The following TCF7 variants were observed in gnomAD, a reference collection of about 807,000 sequenced individuals.
The protein encoded by TCF7 is T-cell-factor-7.
A neutral mutation model predicts 46.8 loss-of-function variants in TCF7; 19 were observed. That is an observed-to-expected ratio of 0.41 (90% confidence interval 0.28 to 0.60). The LOEUF is 0.60. Among genes scored for constraint, TCF7 ranks in the 20% least tolerant of loss-of-function variants. The pLI is 0.35. For missense variants in TCF7, 547 were observed against 504.6 expected, an observed-to-expected ratio of 1.08 and a Z score of -0.81; for synonymous variants, 245 against 213.4, an observed-to-expected ratio of 1.15 and a Z score of -1.29.
At chr5:134,119,446 G>A (rs1360114350) in intron 3 of TCF7, among the ~76,000 whole-genome samples, 2 of 152,156 alleles carry the variant, frequency 1.3e-5, no homozygotes, top group Non-Finnish European at 2.9e-5. Flanking sequence ...TATACTAAAA[G>A]CCACTGAATT....
chr5:134,142,443 A>T, intron 6 of TCF7, 139 bp downstream of exon 6: 2 of 23,580 alleles, frequency 8.5e-5, no homozygotes, highest in Non-Finnish European at 1.6e-4. Context: ...CAGAAGTAGG[A>T]GGGGGTGGGT....
At chr5:134,132,203 G>T (rs1758215112) in intron 3 of TCF7, among the ~76,000 whole-genome samples, 1 of 152,238 alleles carries the variant, frequency 6.6e-6, no homozygotes, top group East Asian at 1.9e-4. Context: ...TGTCAGGTGG[G>T]CGTAGTAGTT....
At chr5:134,132,622 C>A (rs756098983) in intron 3 of TCF7, among the ~76,000 whole-genome samples, 1 of 152,194 alleles carries the variant, frequency 6.6e-6, no homozygotes, top group Non-Finnish European at 1.5e-5. Flanking sequence ...GAGGGAGTTT[C>A]TCTGCTGGCG....
intron 3 of TCF7, 35 bp from the exon 4 acceptor site, chr5:134,138,024 C>T (rs375338781): frequency 4.6e-6 from 7 of 1,521,368 alleles, no homozygotes; most frequent in African/African-American, 4.1e-5. Context: ...CCTCAGGACT[C>T]GCCACACTCA....
At chr5:134,115,516 G>A (rs1025394562) in intron 2 of TCF7, 129 bp downstream of exon 2, 22 of 1,461,870 alleles carry the variant, frequency 1.5e-5, no homozygotes, top group South Asian at 8.3e-5. Flanking sequence ...CAGAACCCAG[G>A]GGTGGAGAGT....
At chr5:134,114,462 C>T (rs541699574), upstream of TCF7, among the ~76,000 whole-genome samples, 16 of 152,210 alleles carry the variant, frequency 1.1e-4, 1 homozygote, top group East Asian at 2.9e-3. Context: ...GGTGAGTAAG[C>T]GGGGTCAGGA....
intron 6 of TCF7, 82 bp from the exon 7 acceptor site, chr5:134,142,639 T>A: frequency 6.4e-7 from 1 of 1,558,424 alleles, no homozygotes. Flanking sequence ...TTAGGCACAC[T>A]CTAGGCCCAC....
chr5:134,146,205 C>A lies in TCF7; in HGVS notation c.1076-19C>A, dbSNP rs747086264. 1.5e-5 allele frequency: 24 copies of A among 1,614,194 alleles called. No homozygotes were observed. The highest frequency in any genetic ancestry group is 2.0e-5 in the Non-Finnish European group (24 of 1,180,022). ...GAATTCACCCTCTGTTTACAGATAA[C>A]TCTCTTCACTATTCCTAGGAGGAAA... On this transcript the variant is annotated intron_variant, in intron 9 of 9. Transcript: ENST00000342854.
At chr5:134,123,725 C>G (rs1239323457) in intron 3 of TCF7, 1 of 456,244 alleles carries the variant, frequency 2.2e-6, no homozygotes. Context: ...CTGGGAGAAG[C>G]TGATGGGCGC....
chr5:134,139,121 C>T (rs1759346736), intron 5 of TCF7, 83 bp downstream of exon 5: 1 of 1,544,532 alleles, frequency 6.5e-7, no homozygotes. Flanking sequence ...TCCTCCATCC[C>T]TCTTGGCTGG....
intron 5 of TCF7, chr5:134,140,931 C>T (rs1375657993): frequency 1.1e-5 from 4 of 357,782 alleles, no homozygotes; most frequent in African/African-American, 2.2e-5. Context: ...TTCCTGTTGC[C>T]CAGGCTTCAG....
chr5:134,143,715 A>G (rs757833309), intron 9 of TCF7, 75 bp downstream of exon 9: 139 of 1,584,608 alleles, frequency 8.8e-5, no homozygotes, highest in Non-Finnish European at 1.1e-4. Flanking sequence ...CTCTGACCCA[A>G]AGGGAGGAAC....
intron 3 of TCF7, among the ~76,000 whole-genome samples, chr5:134,120,331 A>T (rs1358186196): frequency 6.6e-6 from 1 of 152,134 alleles, no homozygotes; most frequent in Non-Finnish European, 1.5e-5. Context: ...GGCTTCACGT[A>T]GCAGCCACAG....
chr5:134,119,734 C>T (rs1458511613), intron 3 of TCF7, among the ~76,000 whole-genome samples: 1 of 152,250 alleles, frequency 6.6e-6, no homozygotes, highest in Non-Finnish European at 1.5e-5. Context: ...ATGAGCAAGG[C>T]TCCAGCAGAG....
intron 2 of TCF7, 27 bp from the exon 3 acceptor site, chr5:134,115,882 T>C (rs1335242672): frequency 6.2e-7 from 1 of 1,613,624 alleles, no homozygotes; most frequent in Non-Finnish European, 8.5e-7. Context: ...AGGGCTGGTG[T>C]GTCTGACCCA....
At chr5:134,131,872 G>C (rs181254765) in intron 3 of TCF7, among the ~76,000 whole-genome samples, 3 of 152,274 alleles carry the variant, frequency 2.0e-5, no homozygotes, top group Admixed American at 1.3e-4. Context: ...TGGGCCGGAG[G>C]AGCAGGCTGA....
chr5:134,143,759 G>C (rs1760254014), intron 9 of TCF7, 119 bp downstream of exon 9: 2 of 1,195,346 alleles, frequency 1.7e-6, no homozygotes, highest in Non-Finnish European at 2.4e-6. Flanking sequence ...AGGGCCTGGG[G>C]CCTATGAAAA....
chr5:134,138,575 TG>T, intron 4 of TCF7: 1 of 279,336 alleles, frequency 3.6e-6, no homozygotes, highest in Non-Finnish European at 6.8e-6. Context: ...GACTCAACCC[TG>T]GGGGGCAGGT....
upstream of TCF7, among the ~76,000 whole-genome samples, chr5:134,112,729 AAGGGCAT>A (rs1323096394): frequency 6.6e-6 from 1 of 152,264 alleles, no homozygotes; most frequent in Non-Finnish European, 1.5e-5. Context: ...ATAAAGCAGT[AAGGGCAT>A]AATCCTTGAT....
Sources: allele counts gnomAD v4.1 joint callset (sites outside exome capture counted in the v4.1 genomes callset), GRCh38; gene constraint gnomAD v4.1.1; transcripts MANE v1.5; gene names NCBI Gene and HGNC (gene_info 2026-07-23, HGNC 2026-07-21).